The following NINJ1 variants were observed in gnomAD, a reference collection of about 807,000 sequenced individuals.
NINJ1 encodes the protein ninjurin 1.
NINJ1 carries 6 observed loss-of-function variants against 12.7 expected under a neutral mutation model. That is an observed-to-expected ratio of 0.47 (90% CI 0.26 to 0.93). NINJ1 has a LOEUF of 0.93. NINJ1 is among the 40% of genes least tolerant of loss of function. The pLI is 0.15. For missense variants in NINJ1, 170 were observed against 213.0 expected (o/e 0.80, Z 1.26); for synonymous variants, 100 against 96.0 (o/e 1.04, Z -0.25).
In NINJ1 at chr9:93,126,482, C is replaced by T. The variant is rs1473715607; in HGVS notation, c.232G>A (p.Val78Met). 1 of 1,614,072 alleles carries T rather than the reference C, an allele frequency of 6.2e-7. No homozygotes were observed. The highest frequency in any genetic ancestry group is 8.5e-7 in the Non-Finnish European group (1 of 1,180,042). Reference sequence around the variant, plus strand: ...ATGGAGATGAGGACCACCAGGGGCACATAGAAGGCGAAGCTGGGGCCCTGT... The same window carrying T: ...ATGGAGATGAGGACCACCAGGGGCATATAGAAGGCGAAGCTGGGGCCCTGT... ...VEQGPSFAFY[V>M]PLVVLISISL... Residue 78 changes from valine (V) to methionine (M), a missense_variant, in exon 2 of 4, where the codon GTG (valine) becomes ATG (methionine). Transcript: ENST00000375446.
rs1354576613 is a variant in NINJ1, at chr9:93,126,585, G to T, written c.129C>A (p.Ser43Arg). 6.2e-7 allele frequency: 1 copy of T among 1,613,762 alleles called. No individual in the cohort carries two copies. Among genetic ancestry groups the T allele is most frequent in the Non-Finnish European group, 8.5e-7 (1 of 1,179,834 alleles). The change falls in exon 2 of 4, where the codon AGC (serine) becomes AGA (arginine). Residue 43 changes from serine (S) to arginine (R), a missense_variant. Transcript: ENST00000375446. ...GCATGCTCTCGGCTGCGCTCTTCTT[G>T]CTGGCGTAATGGTTCACGTTGATGG... ...HGPINVNHYA[S>R]KKSAAESMLD...
At chr9:93,124,274 T>A (rs981526877) in intron 3 of NINJ1, among the ~76,000 whole-genome samples, 1 of 152,108 alleles carries the variant, frequency 6.6e-6, no homozygotes, top group African/African-American at 2.4e-5. Flanking sequence ...CGGAAATCTT[T>A]GGGTTTTGGG....
chr9:93,134,092 C>A, intron 1 of NINJ1, 51 bp downstream of exon 1: 2 of 1,404,434 alleles, frequency 1.4e-6, no homozygotes, highest in Non-Finnish European at 9.6e-7. Context: ...CGCGGCGCCC[C>A]GAAAGGACAG....
intron 2 of NINJ1, 182 bp from the exon 3 acceptor site, chr9:93,125,244 G>T (rs1827795227): frequency 3.5e-6 from 2 of 576,584 alleles, no homozygotes; most frequent in Non-Finnish European, 2.9e-6. Flanking sequence ...CTGAAACATG[G>T]ACAACAGCGC....
At chr9:93,126,765 C>T in intron 1 of NINJ1, 127 bp from the exon 2 acceptor site, 1 of 685,056 alleles carries the variant, frequency 1.5e-6, no homozygotes. Flanking sequence ...CTGGTAAGTG[C>T]TCAGACAGAA....
chr9:93,127,852 C>G (rs935785513), intron 1 of NINJ1, among the ~76,000 whole-genome samples: 1 of 152,230 alleles, frequency 6.6e-6, no homozygotes, highest in Admixed American at 6.5e-5. Flanking sequence ...GCCGGGAGGC[C>G]GGGGTGCCGC....
chr9:93,133,747 C>A (rs1313295669), intron 1 of NINJ1, among the ~76,000 whole-genome samples: 2 of 152,200 alleles, frequency 1.3e-5, no homozygotes, highest in Non-Finnish European at 2.9e-5. Context: ...GGGCAAAGTG[C>A]GCGGAGGAGC....
At chr9:93,127,776 T>C (rs1299754180) in intron 1 of NINJ1, among the ~76,000 whole-genome samples, 2 of 152,156 alleles carry the variant, frequency 1.3e-5, no homozygotes, top group Non-Finnish European at 2.9e-5. Flanking sequence ...GAGAACCCAC[T>C]GCTGGCAGCC....
intron 3 of NINJ1, among the ~76,000 whole-genome samples, chr9:93,123,737 A>C (rs1219665773): frequency 6.6e-6 from 1 of 152,188 alleles, no homozygotes. Context: ...CTCTGCTACA[A>C]ACCGGAGGGG....
chr9:93,126,774 A>C, intron 1 of NINJ1, 136 bp from the exon 2 acceptor site: 1 of 649,364 alleles, frequency 1.5e-6, no homozygotes, highest in Non-Finnish European at 2.6e-6. Flanking sequence ...GCTCAGACAG[A>C]AGTGCTTATT....
chr9:93,128,670 C>T (rs137893878), intron 1 of NINJ1, among the ~76,000 whole-genome samples: 13 of 152,362 alleles, frequency 8.5e-5, no homozygotes, highest in African/African-American at 2.2e-4. Context: ...AAGTGCCTTC[C>T]TTCAAGGCCA....
At chr9:93,126,330 G>T in intron 2 of NINJ1, 80 bp downstream of exon 2, 1 of 1,256,114 alleles carries the variant, frequency 8.0e-7, no homozygotes, top group South Asian at 1.4e-5. Context: ...GTGCAAGGTG[G>T]TGGGCACCTG....
rs750430286 is a variant in NINJ1, at chr9:93,134,128, G to A, written c.75+15C>T. On this transcript the variant is annotated intron_variant, in intron 1 of 3. Coordinates refer to ENST00000375446, the MANE Select transcript of NINJ1 (RefSeq NM_004148.4). ...GGCCTGGCAAGATCATGCAGCGGTG[G>A]GGGGAAGGTCTTACCGAGGCGTCCG... 2.6e-6 allele frequency: 4 copies of A among 1,544,818 alleles called. No individual in the cohort carries two copies. Among genetic ancestry groups the A allele is most frequent in the Non-Finnish European group, 2.6e-6 (3 of 1,142,870 alleles).
At chr9:93,131,505 G>A (rs978010504) in intron 1 of NINJ1, 1 of 152,252 alleles carries the variant, frequency 6.6e-6, no homozygotes, top group Admixed American at 6.5e-5. Flanking sequence ...CATGCCTCTC[G>A]GCCCAGATGT....
At chr9:93,133,857 G>A (rs1026095028) in intron 1 of NINJ1, among the ~76,000 whole-genome samples, 35 of 152,188 alleles carry the variant, frequency 2.3e-4, no homozygotes, top group Non-Finnish European at 4.7e-4. Context: ...GCTGCGCCGA[G>A]GCCCCCTCCG....
At chr9:93,134,048 G>A (rs112613193) in intron 1 of NINJ1, 95 bp downstream of exon 1, 62,216 of 979,052 alleles carry the variant, frequency 0.064, 4,855 homozygotes, top group African/African-American at 0.35. Flanking sequence ...ACACTCTGCA[G>A]TGCGGACGCG....
At chr9:93,133,340 C>A (rs1827925203) in intron 1 of NINJ1, among the ~76,000 whole-genome samples, 1 of 152,242 alleles carries the variant, frequency 6.6e-6, no homozygotes, top group African/African-American at 2.4e-5. Context: ...CTGTTCCCTG[C>A]CCCCATCCCT....
At chr9:93,123,706 C>G (rs1049225654) in intron 3 of NINJ1, among the ~76,000 whole-genome samples, 1 of 152,246 alleles carries the variant, frequency 6.6e-6, no homozygotes, top group Non-Finnish European at 1.5e-5. Context: ...GCCCACCCCT[C>G]CCTTAGCAAC....
At chr9:93,127,727 C>T (rs1827833849) in intron 1 of NINJ1, among the ~76,000 whole-genome samples, 1 of 152,182 alleles carries the variant, frequency 6.6e-6, no homozygotes, top group Admixed American at 6.5e-5. Flanking sequence ...CCCTAGACCA[C>T]AGCCTCCCAG....
Sources: gnomAD v4.1 joint callset for allele counts (sites outside exome capture counted in the v4.1 genomes callset) on GRCh38, gnomAD v4.1.1 for gene constraint, MANE v1.5 for transcripts, NCBI Gene and HGNC (gene_info 2026-07-23, HGNC 2026-07-21) for gene names.